ADAMTS12: variants seen among roughly 807,000 people sequenced by gnomAD.
The protein encoded by ADAMTS12 is ADAM metallopeptidase with thrombospondin type 1 motif 12.
ADAMTS12 carries 118 observed loss-of-function variants against 167.8 expected under a neutral mutation model. The observed-to-expected ratio is 0.70, with a 90% CI of 0.61 to 0.82. The LOEUF (loss-of-function observed/expected upper bound fraction) is 0.82. Ranked by LOEUF, ADAMTS12 falls within the 40% of genes least tolerant of loss-of-function variation. The pLI is 0.00. For missense variants in ADAMTS12, 1,916 were observed against 1,998.8 expected (o/e 0.96, Z 0.79); for synonymous variants, 704 against 716.9 (o/e 0.98, Z 0.29).
intron 17 of ADAMTS12, among the ~76,000 whole-genome samples, chr5:33,592,996 G>A (rs532673362): frequency 1.3e-5 from 2 of 152,262 alleles, no homozygotes; most frequent in Non-Finnish European, 2.9e-5. Flanking sequence ...AAAGCAAATC[G>A]CCAGGCACAT....
intron 2 of ADAMTS12, among the ~76,000 whole-genome samples, chr5:33,870,412 G>T (rs1749995549): frequency 6.6e-6 from 1 of 152,144 alleles, no homozygotes; most frequent in Non-Finnish European, 1.5e-5. Flanking sequence ...TTAATTTGGG[G>T]AAGGAACTAA....
At chr5:33,568,946 C>T (rs887894291) in intron 19 of ADAMTS12, among the ~76,000 whole-genome samples, 7 of 152,234 alleles carry the variant, frequency 4.6e-5, no homozygotes, top group African/African-American at 1.4e-4. Flanking sequence ...GATTATATCC[C>T]GTACCTGCCT....
chr5:33,768,481 A>C (rs941230030), intron 2 of ADAMTS12, among the ~76,000 whole-genome samples: 3 of 152,206 alleles, frequency 2.0e-5, no homozygotes, highest in African/African-American at 7.2e-5. Flanking sequence ...CAAGGATATT[A>C]GTTTTCAATC....
intron 3 of ADAMTS12, among the ~76,000 whole-genome samples, chr5:33,694,926 G>A (rs1017556171): frequency 7.9e-5 from 12 of 152,116 alleles, no homozygotes; most frequent in African/African-American, 2.4e-4. Context: ...AATTACCTAT[G>A]TGACTTCATT....
In ADAMTS12 at chr5:33,891,808, G is replaced by A; in HGVS notation, c.49C>T (p.Gln17Ter). The part of the protein sequence containing the change: ...SWLANLSVVA[Q>*]LLNFGALCYG... ...CAAAGCGCCCCAAAGTTAAGGAGCT[G>A]AGCCACCACGGAAAGGTTTGCAAGC... Residue 17 changes from glutamine (Q) to a stop codon, truncating the protein, a stop_gained, in exon 1 of 24, where the codon CAG becomes TAG. Transcript: ENST00000504830. LOFTEE classifies it high-confidence loss of function. 6.2e-7 allele frequency: 1 copy of A among 1,614,258 alleles called. No individual in the cohort carries two copies. Among genetic ancestry groups the A allele is most frequent in the African/African-American group, 1.3e-5 (1 of 75,068 alleles).
At chr5:33,542,347 G>A (rs1268955092) in intron 22 of ADAMTS12, among the ~76,000 whole-genome samples, 9 of 152,132 alleles carry the variant, frequency 5.9e-5, no homozygotes, top group African/African-American at 1.9e-4. Context: ...CAAGTCCTTA[G>A]AGACCTACAA....
At chr5:33,846,360 AGT>A (rs1386683715) in intron 2 of ADAMTS12, among the ~76,000 whole-genome samples, 1 of 152,252 alleles carries the variant, frequency 6.6e-6, no homozygotes, top group Non-Finnish European at 1.5e-5. Flanking sequence ...AGGCTTTCAC[AGT>A]GATTCACTCC....
At chr5:33,882,660 C>T (rs148294586) in intron 1 of ADAMTS12, among the ~76,000 whole-genome samples, 1,583 of 152,126 alleles carry the variant, frequency 0.01, 12 homozygotes, top group Non-Finnish European at 0.017. Context: ...GGCATGATCT[C>T]GACTCACCGC....
intron 2 of ADAMTS12, among the ~76,000 whole-genome samples, chr5:33,781,624 G>C (rs1413911487): frequency 1.3e-5 from 2 of 152,078 alleles, no homozygotes; most frequent in African/African-American, 4.8e-5. Flanking sequence ...GACTATAATT[G>C]AAAGGTCAAC....
chr5:33,718,819 C>G (rs1743702515), intron 3 of ADAMTS12, among the ~76,000 whole-genome samples: 1 of 152,172 alleles, frequency 6.6e-6, no homozygotes, highest in Non-Finnish European at 1.5e-5. Context: ...AGTGCACTTT[C>G]TAACGACGGG....
chr5:33,621,707 G>A (rs1384203510), intron 14 of ADAMTS12, among the ~76,000 whole-genome samples: 4 of 152,158 alleles, frequency 2.6e-5, no homozygotes, highest in Admixed American at 6.5e-5. Context: ...GCTCACTGCA[G>A]GCCAATATCT....
intron 3 of ADAMTS12, among the ~76,000 whole-genome samples, chr5:33,743,991 T>TATA (rs1744695531): frequency 6.6e-6 from 1 of 152,188 alleles, no homozygotes; most frequent in African/African-American, 2.4e-5. Context: ...GGGGTTAAAC[T>TATA]GGCTCCATAT....
chr5:33,809,649 A>G (rs569511964), intron 2 of ADAMTS12, among the ~76,000 whole-genome samples: 1 of 152,296 alleles, frequency 6.6e-6, no homozygotes, highest in East Asian at 1.9e-4. Flanking sequence ...GCATTCCAGC[A>G]GGAGGAGACA....
chr5:33,695,811 A>G (rs1742736025), intron 3 of ADAMTS12, among the ~76,000 whole-genome samples: 1 of 152,212 alleles, frequency 6.6e-6, no homozygotes, highest in Non-Finnish European at 1.5e-5. Context: ...ACAACAGAAT[A>G]TACTTAAAGC....
chr5:33,697,794 A>C (rs7729067), intron 3 of ADAMTS12, among the ~76,000 whole-genome samples: 117,383 of 151,410 alleles, frequency 0.78, 45,729 homozygotes, highest in South Asian at 0.87. Flanking sequence ...GATTATACGA[A>C]CTGACCCCGG....
chr5:33,757,873 C>A (rs1745220762), intron 2 of ADAMTS12, among the ~76,000 whole-genome samples: 1 of 152,044 alleles, frequency 6.6e-6, no homozygotes, highest in Non-Finnish European at 1.5e-5. Flanking sequence ...ATGGTAGGTG[C>A]TCAATAAATG....
At chr5:33,685,892 T>C (rs1487204943) in intron 3 of ADAMTS12, among the ~76,000 whole-genome samples, 1 of 152,168 alleles carries the variant, frequency 6.6e-6, no homozygotes, top group Non-Finnish European at 1.5e-5. Flanking sequence ...GTCCCTGTTT[T>C]GAATCTCACA....
chr5:33,705,748 G>A (rs1477616755), intron 3 of ADAMTS12, among the ~76,000 whole-genome samples: 1 of 152,102 alleles, frequency 6.6e-6, no homozygotes, highest in Non-Finnish European at 1.5e-5. Context: ...GGCAGAGATT[G>A]CAGTGAGCTG....
intron 3 of ADAMTS12, among the ~76,000 whole-genome samples, chr5:33,727,632 G>A (rs1188002055): frequency 2.6e-5 from 4 of 152,088 alleles, no homozygotes; most frequent in African/African-American, 4.8e-5. Flanking sequence ...ACTGGCCTTC[G>A]TTTAATTCCT....
Sources: gnomAD v4.1 joint callset for allele counts (sites outside exome capture counted in the v4.1 genomes callset) on GRCh38, gnomAD v4.1.1 for gene constraint, MANE v1.5 for transcripts, NCBI Gene and HGNC (gene_info 2026-07-23, HGNC 2026-07-21) for gene names.